The following LAMC3 variants were observed in gnomAD, a reference collection of about 807,000 sequenced individuals.
LAMC3 encodes the protein laminin subunit gamma 3.
Under a neutral mutation model 173.8 loss-of-function variants are expected in LAMC3, and 128 were observed. The observed-to-expected ratio is 0.74, with a 90% CI of 0.64 to 0.85. The LOEUF is 0.85. Among genes scored for constraint, LAMC3 ranks in the 40% least tolerant of loss-of-function variants. LAMC3 has a pLI of 0.00. For synonymous variants in LAMC3, 897 were observed against 909.1 expected, an observed-to-expected ratio of 0.99 and a Z score of 0.24; for missense variants, 2,022 against 2,156.0, an observed-to-expected ratio of 0.94 and a Z score of 1.23.
chr9:131,073,410 A>G, intron 20 of LAMC3, 89 bp downstream of exon 20: 1 of 986,588 alleles, frequency 1.0e-6, no homozygotes, highest in Non-Finnish European at 1.6e-6. Context: ...CCCCACCCAG[A>G]AGTTGGGATC....
chr9:131,059,206 A>G (rs1829756081), intron 12 of LAMC3, among the ~76,000 whole-genome samples: 1 of 148,866 alleles, frequency 6.7e-6, no homozygotes. Flanking sequence ...AAAAAAATAA[A>G]AAAAGGCCGG....
intron 11 of LAMC3, among the ~76,000 whole-genome samples, chr9:131,056,506 T>TAA: frequency 6.9e-6 from 1 of 144,642 alleles, no homozygotes; most frequent in East Asian, 2.0e-4. Context: ...AAAATAAAAA[T>TAA]AAAAATCAAC....
At position 131,026,128 on chromosome 9, in the gene LAMC3, T is replaced by A. The variant is rs1325950316; in HGVS notation, c.374-157T>A. On this transcript the variant is annotated intron_variant, in intron 1 of 27. Coordinates refer to ENST00000361069, the MANE Select transcript of LAMC3 (RefSeq NM_006059.4). This position sits in a 1 kb window ranked among gnomAD's most constrained non-coding sequence, Gnocchi z 4.8. The stretch of plus-strand genomic sequence containing the variant: ...GTCCTTTCCAGTGCCCCAGCAGGCA[T>A]CATGAATGGAGGGTGGCTTCCCCTG... 1.3e-5 allele frequency among the ~76,000 whole-genome samples: 2 copies of A among 152,160 alleles called. No homozygotes were observed. Among genetic ancestry groups the A allele is most frequent in the Non-Finnish European group, 2.9e-5 (2 of 68,018 alleles).
intron 7 of LAMC3, among the ~76,000 whole-genome samples, chr9:131,044,836 T>C (rs1233571029): frequency 1.3e-5 from 2 of 151,992 alleles, no homozygotes; most frequent in Non-Finnish European, 1.5e-5. Context: ...CGGTGATAGG[T>C]TGGAGGAGAA....
intron 27 of LAMC3, among the ~76,000 whole-genome samples, chr9:131,089,951 T>C (rs1830395500): frequency 8.2e-6 from 1 of 121,382 alleles, no homozygotes; most frequent in Non-Finnish European, 1.7e-5. Flanking sequence ...GAGTTTATTT[T>C]TATTTTTTAT....
At chr9:131,046,586 A>G (rs1588149704) in intron 8 of LAMC3, among the ~76,000 whole-genome samples, 1 of 121,542 alleles carries the variant, frequency 8.2e-6, no homozygotes, top group East Asian at 2.4e-4. Context: ...CTGGTCTAGA[A>G]CTCCTGAGCT....
In LAMC3 at chr9:131,057,026, C is replaced by T. The variant is rs367605809; in HGVS notation, c.2037C>T (p.Tyr679=). 1.2e-6 allele frequency: 2 copies of T among 1,613,996 alleles called. No homozygotes were observed. Among genetic ancestry groups the T allele is most frequent in the African/African-American group, 2.7e-5 (2 of 74,954 alleles). Reference sequence around the variant, plus strand: ...AGATTTGTTCATGTCCCACTGGCTACACGGGCCAGTTCTGTGAATCCTGTG... The same window carrying T: ...AGATTTGTTCATGTCCCACTGGCTATACGGGCCAGTTCTGTGAATCCTGTG... The part of the protein sequence containing the change: ...WVEICSCPTG[Y]TGQFCESCAP... The change falls in exon 12 of 28, where the codon TAC becomes TAT. Residue 679 remains tyrosine, a synonymous_variant. Transcript: ENST00000361069.
At chr9:131,078,091 C>T (rs1830167215) in intron 22 of LAMC3, among the ~76,000 whole-genome samples, 2 of 152,250 alleles carry the variant, frequency 1.3e-5, no homozygotes, top group South Asian at 4.1e-4. Context: ...GGTAGCTGGC[C>T]GACCCCTCTG....
In LAMC3 at chr9:131,069,722, G is replaced by A. The variant is rs201747465; in HGVS notation, c.2941G>A (p.Gly981Ser). The change falls in exon 17 of 28, where the codon GGC (glycine) becomes AGC (serine). Residue 981 changes from glycine to serine, a missense_variant. Physicochemically the swap from Gly to Ser is moderately conservative, Grantham distance 56. Transcript: ENST00000361069. ...GAASAQCHENGTCVCRPGFEG... is the reference protein window; with the variant it reads ...GAASAQCHENSTCVCRPGFEG... ...TGCCTCGGCCCAGTGCCACGAGAAC[G>A]GCACATGCGTGTGCAGGCCTGGCTT... 3.5e-5 allele frequency: 56 copies of A among 1,603,690 alleles called. No individual in the cohort carries two copies. Among genetic ancestry groups the A allele is most frequent in the Admixed American group, 1.2e-4 (7 of 58,638 alleles).
intron 1 of LAMC3, among the ~76,000 whole-genome samples, chr9:131,017,340 G>A (rs1039459212): frequency 1.3e-5 from 2 of 152,180 alleles, no homozygotes; most frequent in Admixed American, 6.5e-5. Flanking sequence ...CACGCGATAG[G>A]AAACATCCCG....
intron 12 of LAMC3, among the ~76,000 whole-genome samples, chr9:131,059,640 T>C (rs1309989913): frequency 6.6e-6 from 1 of 150,532 alleles, no homozygotes; most frequent in Admixed American, 6.7e-5. Context: ...CAAGGCCACA[T>C]AATCCCTCCC....
chr9:131,041,818 G>A, intron 7 of LAMC3, 83 bp downstream of exon 7: 3 of 1,205,494 alleles, frequency 2.5e-6, no homozygotes, highest in Non-Finnish European at 3.6e-6. Context: ...GGAGTGCGGG[G>A]AGGAGCAAGG....
chr9:131,076,267 C>G (rs1269767549), intron 21 of LAMC3, among the ~76,000 whole-genome samples: 1 of 152,190 alleles, frequency 6.6e-6, no homozygotes, highest in East Asian at 1.9e-4. Context: ...TTCCCTGACC[C>G]CCCTGGCCCC....
Position 131,093,481 on chromosome 9 carries a change from T to A in LAMC3, c.*1694T>A, listed in dbSNP as rs2133361095. 6.6e-6 allele frequency: 1 copy of A among 151,834 alleles called. No homozygotes were observed. Among genetic ancestry groups the A allele is most frequent in the East Asian group, 1.9e-4 (1 of 5,146 alleles). The allele number at this position is 151,834 out of a possible 1,614,324, so 9.4% of individuals were successfully genotyped here. A position where few individuals can be genotyped will look rare whatever the true frequency, so the allele number is the denominator to read the frequency against. The stretch of plus-strand genomic sequence containing the variant: ...GAAGGAAGCATTCCAGGCAAGAGGG[T>A]GGACAACAGTCCGGGGCCCGCAGGG... On this transcript the variant is annotated 3_prime_UTR_variant, in exon 28 of 28. Transcript: ENST00000361069.
At chr9:131,083,998 CT>C (rs1451777774) in intron 24 of LAMC3, among the ~76,000 whole-genome samples, 1 of 148,970 alleles carries the variant, frequency 6.7e-6, no homozygotes, top group Non-Finnish European at 1.5e-5. Flanking sequence ...CCTCAGCCTC[CT>C]GAGTAGCTGG....
At chr9:131,086,034 T>A (rs549209746) in intron 25 of LAMC3, among the ~76,000 whole-genome samples, 169 of 152,324 alleles carry the variant, frequency 1.1e-3, no homozygotes, top group African/African-American at 4.0e-3. Flanking sequence ...TTTTTGTTAT[T>A]TTGAAGTTTG....
chr9:131,083,866 T>TTTTTGC (rs1830283620), intron 24 of LAMC3, among the ~76,000 whole-genome samples: 1 of 11,724 alleles, frequency 8.5e-5, no homozygotes, highest in Non-Finnish European at 1.9e-4. Flanking sequence ...TAATAAGTGC[T>TTTTTGC]TTTTTTTTTT....
At chr9:131,071,003 G>C (rs1399447687) in intron 17 of LAMC3, among the ~76,000 whole-genome samples, 1 of 152,204 alleles carries the variant, frequency 6.6e-6, no homozygotes, top group African/African-American at 2.4e-5. Context: ...GCGGTGACAG[G>C]AGGAATCAAG....
chr9:131,087,729 G>A lies in LAMC3; in HGVS notation c.4389G>A (p.Gly1463=). The A allele has an allele frequency of 1.2e-6, 2 of 1,614,190 alleles. No individual in the cohort carries two copies. Among genetic ancestry groups the A allele is most frequent in the Non-Finnish European group, 1.7e-6 (2 of 1,180,030 alleles). Residue 1463 remains glycine (G), a synonymous_variant, in exon 27 of 28, where the codon GGG becomes GGA. Coordinates refer to ENST00000361069, the MANE Select transcript of LAMC3 (RefSeq NM_006059.4). ...ELEEAERVGA[G]LSEMEQQIRE... ...CCTCCCCCTGAAAGGTGGGTGCTGG[G>A]CTGAGCGAGATGGAGCAGCAGATCC...
Sources: allele counts gnomAD v4.1 joint callset (sites outside exome capture counted in the v4.1 genomes callset), GRCh38; gene constraint gnomAD v4.1.1; non-coding constraint Gnocchi (gnomAD v3.1); transcripts MANE v1.5; gene names NCBI Gene and HGNC (gene_info 2026-07-23, HGNC 2026-07-21).